Variants in PCGF1 observed in about 807,000 individuals in gnomAD.
PCGF1 encodes the protein polycomb group RING finger protein 1.
PCGF1 carries 10 observed loss-of-function variants against 38.8 expected under a neutral mutation model. The observed-to-expected ratio is 0.26, with a 90% CI of 0.16 to 0.44. The LOEUF (loss-of-function observed/expected upper bound fraction) is 0.44, where lower values mean the gene tolerates loss of function less well. Ranked by LOEUF, PCGF1 falls within the 20% of genes least tolerant of loss-of-function variation. The pLI is 1.00. For missense variants in PCGF1, 230 were observed against 331.5 expected (o/e 0.69, Z 2.38); for synonymous variants, 119 against 121.3 (o/e 0.98, Z 0.12).
At chr2:74,507,453 G>A in intron 1 of PCGF1, 123 bp downstream of exon 1, 4 of 1,477,010 alleles carry the variant, frequency 2.7e-6, no homozygotes, top group Non-Finnish European at 3.6e-6. Context: ...AACCACGCAG[G>A]CGCACTGGGC....
At chr2:74,506,468 C>G in intron 3 of PCGF1, 1 of 612,676 alleles carries the variant, frequency 1.6e-6, no homozygotes, top group Non-Finnish European at 2.8e-6. Context: ...GTCCCAGCTA[C>G]TCAGGAGGCT....
chr2:74,505,506 C>A (rs757463673), intron 7 of PCGF1, 46 bp downstream of exon 7: 1 of 1,612,380 alleles, frequency 6.2e-7, no homozygotes, highest in Admixed American at 1.7e-5. Flanking sequence ...TCCCTCCTTT[C>A]TTAGCCCCTT....
At chr2:74,505,276 A>G (rs1674599938) in intron 8 of PCGF1, 63 bp downstream of exon 8, 1 of 1,577,008 alleles carries the variant, frequency 6.3e-7, no homozygotes, top group Non-Finnish European at 8.6e-7. Context: ...TCCCCTGAGG[A>G]CTGTAGGATG....
intron 4 of PCGF1, 53 bp from the exon 5 acceptor site, chr2:74,506,110 T>C (rs1172016359): frequency 1.2e-6 from 2 of 1,612,382 alleles, no homozygotes; most frequent in Non-Finnish European, 8.5e-7. Flanking sequence ...CATACTCCTC[T>C]TTCCCCAGAG....
rs188933540 is a variant in PCGF1, at chr2:74,505,327, G to A, written c.732+12C>T. 1.2e-5 allele frequency: 19 copies of A among 1,602,834 alleles called. No individual in the cohort carries two copies. The highest frequency in any genetic ancestry group is 1.4e-5 in the Non-Finnish European group (17 of 1,174,240). On this transcript the variant is annotated intron_variant, in intron 8 of 8. Transcript: ENST00000233630. Reference sequence around the variant, plus strand: ...AAGGGGGTGTGATCCCAGGGAGGGTGGCCTGGCTTACCTTGCCGAACCAGC... The same window carrying A: ...AAGGGGGTGTGATCCCAGGGAGGGTAGCCTGGCTTACCTTGCCGAACCAGC...
chr2:74,507,292 T>C, intron 1 of PCGF1, 145 bp from the exon 2 acceptor site: 3 of 1,470,924 alleles, frequency 2.0e-6, no homozygotes, highest in Non-Finnish European at 2.7e-6. Flanking sequence ...TCCTGGGGGC[T>C]GGCACTCCCC....
At chr2:74,507,249 C>A (rs1004534799) in intron 1 of PCGF1, 102 bp from the exon 2 acceptor site, 2 of 1,491,902 alleles carry the variant, frequency 1.3e-6, no homozygotes, top group African/African-American at 1.4e-5. Flanking sequence ...GACGGCCAAG[C>A]CCCGCGCCCT....
At chr2:74,507,391 G>A (rs550318530) in intron 1 of PCGF1, 185 bp downstream of exon 1, 1 of 1,454,078 alleles carries the variant, frequency 6.9e-7, no homozygotes, top group East Asian at 2.5e-5. Flanking sequence ...ACTACACAAC[G>A]TCGGCGACAC....
At position 74,505,756 on chromosome 2, in the gene PCGF1, T is replaced by C; in HGVS notation, c.545A>G (p.Lys182Arg). The change falls in exon 6 of 9, where the codon AAG becomes AGG. Residue 182 changes from lysine (K) to arginine (R), a missense_variant. Physicochemically the swap from Lys to Arg is conservative, Grantham distance 26 (BLOSUM62 2). This residue lies in a region of PCGF1 where 144 missense variants were observed against 182.4 expected (regional missense o/e 0.79). Transcript: ENST00000233630. Reference protein sequence around the residue: ...CLERLSSGKDKNKSVLQNKYV... With the variant: ...CLERLSSGKDRNKSVLQNKYV... ...TCTCACCTGCAGGACGCTTTTATTCTTGTCTTTGCCAGAACTGGGGGGAAA... is the reference window on the plus strand; with the variant it reads ...TCTCACCTGCAGGACGCTTTTATTCCTGTCTTTGCCAGAACTGGGGGGAAA... The C allele has an allele frequency of 6.2e-7, 1 of 1,614,172 alleles. No individual in the cohort carries two copies. Among genetic ancestry groups the C allele is most frequent in the Non-Finnish European group, 8.5e-7 (1 of 1,180,024 alleles).
chr2:74,506,974 C>T (rs1674650694), intron 2 of PCGF1, 68 bp downstream of exon 2: 9 of 1,601,372 alleles, frequency 5.6e-6, no homozygotes, highest in Admixed American at 3.3e-5. Context: ...GCAGGCCGCA[C>T]AGAAGCTGGC....
In PCGF1 at chr2:74,506,230, T is replaced by C. The variant is rs753479974; in HGVS notation, c.375A>G (p.Glu125=). The change falls in exon 4 of 9, where the codon GAA becomes GAG. Residue 125 remains glutamate, a synonymous_variant. Transcript: ENST00000233630. ...GGTCCAAACCTCGGGACTGGTAGAATTCCCGAATCCGTTTCTCTTCACCTA... is the reference window on the plus strand; with the variant it reads ...GGTCCAAACCTCGGGACTGGTAGAACTCCCGAATCCGTTTCTCTTCACCTA... ...LQDSEEKRIR[E]FYQSRGLDRV... The C allele has an allele frequency of 1.2e-6, 2 of 1,614,142 alleles. No homozygotes were observed. Among genetic ancestry groups the C allele is most frequent in the Non-Finnish European group, 1.7e-6 (2 of 1,180,014 alleles).
Position 74,507,678 on chromosome 2 carries a change from T to C in PCGF1, c.-10A>G. ...CCTGAGGAGACGCCATCTTAAAGGC[T>C]GATCCCAGCCGGCCACTTCCGGTGC... On this transcript the variant is annotated 5_prime_UTR_variant, in exon 1 of 9. Transcript: ENST00000233630. The C allele has an allele frequency of 6.4e-7, 1 of 1,553,366 alleles. No individual in the cohort carries two copies. Among genetic ancestry groups the C allele is most frequent in the Non-Finnish European group, 8.7e-7 (1 of 1,148,864 alleles).
chr2:74,505,509 A>G, intron 7 of PCGF1, 43 bp downstream of exon 7: 1 of 1,612,018 alleles, frequency 6.2e-7, no homozygotes, highest in Non-Finnish European at 8.5e-7. Context: ...CTCCTTTCTT[A>G]GCCCCTTCTC....
In PCGF1 at chr2:74,505,784, G is replaced by A. The variant is rs1402099791; in HGVS notation, c.531-14C>T. On this transcript the variant is annotated splice_polypyrimidine_tract_variant and intron_variant, in intron 5 of 8. Transcript: ENST00000233630. The stretch of plus-strand genomic sequence containing the variant: ...TCTTTGCCAGAACTGGGGGGAAATA[G>A]ACACAGGTTAGGGAATCCTATCTTT... 1.2e-6 allele frequency: 2 copies of A among 1,614,112 alleles called. No homozygotes were observed. Among genetic ancestry groups the A allele is most frequent in the Non-Finnish European group, 1.7e-6 (2 of 1,179,996 alleles).
rs1674614999 is a variant in PCGF1, at chr2:74,505,729, C to A, written c.564+8G>T. On this transcript the variant is annotated splice_region_variant and intron_variant, in intron 6 of 8. Coordinates refer to ENST00000233630, the MANE Select transcript of PCGF1 (RefSeq NM_032673.3). ...CCTTAGAGAGGCCCTCCCCTCAGCC[C>A]TTCTCACCTGCAGGACGCTTTTATT... is the stretch of plus-strand genomic sequence containing the variant. 1 of 1,614,102 alleles carries A rather than the reference C, an allele frequency of 6.2e-7. No homozygotes were observed. Among genetic ancestry groups the A allele is most frequent in the Non-Finnish European group, 8.5e-7 (1 of 1,180,040 alleles).
chr2:74,507,241 C>A, intron 1 of PCGF1, 94 bp from the exon 2 acceptor site: 2 of 1,498,474 alleles, frequency 1.3e-6, no homozygotes, highest in Non-Finnish European at 9.0e-7. Flanking sequence ...TCACACTAGA[C>A]GGCCAAGCCC....
At chr2:74,507,388 A>T in intron 1 of PCGF1, 188 bp downstream of exon 1, 5 of 1,453,886 alleles carry the variant, frequency 3.4e-6, no homozygotes, top group Non-Finnish European at 4.5e-6. Context: ...GAGACTACAC[A>T]ACGTCGGCGA....
Position 74,507,692 on chromosome 2 carries a change from C to T in PCGF1, c.-24G>A, listed in dbSNP as rs1440793819. The T allele has an allele frequency of 2.6e-6, 4 of 1,549,884 alleles. No individual in the cohort carries two copies. In the African/African-American group the frequency reaches 4.1e-5, roughly 16 times the overall value. ...ATCTTAAAGGCTGATCCCAGCCGGC[C>T]ACTTCCGGTGCCGCCTGCAGGGCGG... On this transcript the variant is annotated 5_prime_UTR_variant, in exon 1 of 9. Transcript: ENST00000233630.
In PCGF1 at chr2:74,506,377, G is replaced by A. The variant is rs1674635454; in HGVS notation, c.353-125C>T. Reference sequence around the variant, plus strand: ...CAGATCATGAAGTCAGGAGATTGAGGCCATCCTGGCTAACATGGTGAAACC... The same window carrying A: ...CAGATCATGAAGTCAGGAGATTGAGACCATCCTGGCTAACATGGTGAAACC... On this transcript the variant is annotated intron_variant, in intron 3 of 8. Coordinates refer to ENST00000233630, the MANE Select transcript of PCGF1 (RefSeq NM_032673.3). 1.0e-5 allele frequency: 9 copies of A among 864,142 alleles called. 1 individual carries two copies. The highest frequency in any genetic ancestry group is 8.8e-5 in the South Asian group (6 of 68,250). 53.5% of individuals were successfully genotyped at this position (864,142 alleles called of 1,614,324 possible).
Sources: allele counts gnomAD v4.1 joint callset, GRCh38; gene constraint gnomAD v4.1.1; regional missense constraint gnomAD v4.1.1; transcripts MANE v1.5; gene names NCBI Gene and HGNC (gene_info 2026-07-23, HGNC 2026-07-21).